SLC25A48: variants seen among roughly 807,000 people sequenced by gnomAD.
SLC25A48 encodes the protein CTC-321K16.1.
SLC25A48 carries 29 observed loss-of-function variants against 32.2 expected under a neutral mutation model. The ratio of observed to expected loss-of-function variants is 0.90; its 90% CI spans 0.67 to 1.23. The LOEUF is 1.23. SLC25A48 is among the 50% of genes most tolerant of loss of function. SLC25A48 has a pLI of 0.00. For synonymous variants in SLC25A48, 164 were observed against 172.3 expected (o/e 0.95, Z 0.38); for missense variants, 399 against 422.7 (o/e 0.94, Z 0.49).
chr5:135,622,590 A>T (rs57330302), intron 1 of SLC25A48, among the ~76,000 whole-genome samples: 5,944 of 152,278 alleles, frequency 0.039, 374 homozygotes, highest in African/African-American at 0.14. Flanking sequence ...ATATAGCATG[A>T]TTCATTTTTT....
chr5:135,619,296 C>A (rs545655100), intron 1 of SLC25A48, among the ~76,000 whole-genome samples: 88 of 152,236 alleles, frequency 5.8e-4, no homozygotes, highest in African/African-American at 1.9e-3. Context: ...GTTATCAAAG[C>A]TTTCAAATGT....
intron 3 of SLC25A48, among the ~76,000 whole-genome samples, chr5:135,661,786 T>C (rs981717156): frequency 6.6e-6 from 1 of 152,196 alleles, no homozygotes; most frequent in Admixed American, 6.5e-5. Context: ...TCCTGGACTT[T>C]TAAATTTTTT....
At chr5:135,798,544 TG>T (rs1404150543) in intron 3 of SLC25A48, among the ~76,000 whole-genome samples, 2 of 151,512 alleles carry the variant, frequency 1.3e-5, no homozygotes, top group Non-Finnish European at 2.9e-5. Flanking sequence ...TCGTGGAGGT[TG>T]TACACCCCCC....
chr5:135,744,927 T>C (rs1755605085), intron 3 of SLC25A48, among the ~76,000 whole-genome samples: 1 of 152,028 alleles, frequency 6.6e-6, no homozygotes, highest in African/African-American at 2.4e-5. Context: ...CTGTAGTCCC[T>C]GCTACTGGGG....
intron 1 of SLC25A48, among the ~76,000 whole-genome samples, chr5:135,840,733 A>G (rs980745407): frequency 2.0e-5 from 3 of 152,240 alleles, no homozygotes; most frequent in African/African-American, 7.2e-5. Flanking sequence ...ATGCTGTAGC[A>G]TGCATCAATA....
chr5:135,765,296 A>G (rs1756181692), intron 3 of SLC25A48, among the ~76,000 whole-genome samples: 1 of 149,650 alleles, frequency 6.7e-6, no homozygotes. Context: ...TTCAGGGGTA[A>G]GAGGGTAATG....
At chr5:135,672,575 A>G (rs997717539) in intron 3 of SLC25A48, among the ~76,000 whole-genome samples, 7 of 152,130 alleles carry the variant, frequency 4.6e-5, no homozygotes, top group Non-Finnish European at 1.0e-4. Context: ...AAGACCAGCC[A>G]TGGCCAAGAT....
intron 3 of SLC25A48, among the ~76,000 whole-genome samples, chr5:135,647,710 T>C (rs1340722814): frequency 6.6e-6 from 1 of 152,140 alleles, no homozygotes; most frequent in Admixed American, 6.5e-5. Flanking sequence ...ACTTTCTGTT[T>C]TCCTGAGGCT....
intron 3 of SLC25A48, among the ~76,000 whole-genome samples, chr5:135,707,080 G>A (rs80284432): frequency 0.014 from 2,065 of 152,282 alleles, 46 homozygotes; most frequent in African/African-American, 0.046. Flanking sequence ...AGCCAGGGCT[G>A]GGGGTGTGGG....
intron 3 of SLC25A48, among the ~76,000 whole-genome samples, chr5:135,681,410 A>G (rs1753894736): frequency 6.6e-6 from 1 of 152,200 alleles, no homozygotes; most frequent in Non-Finnish European, 1.5e-5. Context: ...CTACAAGTTC[A>G]GTTGGGTCTT....
At chr5:135,716,282 T>TG (rs539026239) in intron 3 of SLC25A48, among the ~76,000 whole-genome samples, 16 of 152,316 alleles carry the variant, frequency 1.1e-4, no homozygotes, top group Admixed American at 2.6e-4. Context: ...CTGAGAAAAC[T>TG]GGGAGAGAAC....
intron 1 of SLC25A48, among the ~76,000 whole-genome samples, chr5:135,589,279 G>A (rs1385653676): frequency 6.6e-6 from 1 of 152,196 alleles, no homozygotes; most frequent in African/African-American, 2.4e-5. Context: ...AGTGTCTCTA[G>A]TTTATACTTG....
At chr5:135,741,304 A>G (rs1755496955) in intron 3 of SLC25A48, among the ~76,000 whole-genome samples, 1 of 152,212 alleles carries the variant, frequency 6.6e-6, no homozygotes, top group Non-Finnish European at 1.5e-5. Flanking sequence ...TTTCATGCTC[A>G]TCTGTATACT....
Position 135,844,277 on chromosome 5 carries a change from G to T in SLC25A48, c.90+1818G>T, listed in dbSNP as rs113876278. Reference sequence around the variant, plus strand: ...ATCTGGGACCTCAGCCAAGTTCAAGGTGCCTGCTGCATACCTCTCCAGGGC... The same window carrying T: ...ATCTGGGACCTCAGCCAAGTTCAAGTTGCCTGCTGCATACCTCTCCAGGGC... On this transcript the variant is annotated intron_variant, in intron 2 of 7. Transcript: ENST00000681962. Among the ~76,000 whole-genome samples, 713 of 152,302 alleles carry T rather than the reference G, an allele frequency of 4.7e-3. 3 individuals carry two copies. The highest frequency in any genetic ancestry group is 0.012 in the African/African-American group (516 of 41,572).
intron 3 of SLC25A48, among the ~76,000 whole-genome samples, chr5:135,716,067 T>C (rs1278176705): frequency 6.6e-6 from 1 of 152,236 alleles, no homozygotes; most frequent in Non-Finnish European, 1.5e-5. Context: ...TTGTGGTACC[T>C]GCAGCTTGGA....
At position 135,871,704 on chromosome 5, in the gene SLC25A48, C is replaced by T. The variant is rs746689224; in HGVS notation, c.665C>T (p.Ala222Val). ...CCCAGCCCCTGTGCCGTGTGGCTGG[C>T]GGGCGGCATGGCAGGTAAGGGCAGC... ...TGPSPCAVWL[A>V]GGMAGAISWG... is the part of the protein sequence containing the mutation. The change falls in exon 5 of 8, where the codon GCG becomes GTG. Residue 222 changes from alanine (A) to valine (V), a missense_variant. Ala to Val is a moderately conservative substitution (Grantham distance 64). Transcript: ENST00000681962. 11 of 1,613,324 alleles carry T rather than the reference C, an allele frequency of 6.8e-6. No homozygotes were observed. The highest frequency in any genetic ancestry group is 2.2e-5 in the East Asian group (1 of 44,878).
chr5:135,703,546 A>G (rs1337960298), intron 3 of SLC25A48, among the ~76,000 whole-genome samples: 1 of 152,144 alleles, frequency 6.6e-6, no homozygotes, highest in Non-Finnish European at 1.5e-5. Context: ...TACCACCCAC[A>G]GTTTTCCCCA....
At chr5:135,836,285 T>G (rs1758499201) in intron 1 of SLC25A48, among the ~76,000 whole-genome samples, 1 of 151,718 alleles carries the variant, frequency 6.6e-6, no homozygotes, top group African/African-American at 2.4e-5. Context: ...TTTATTCTGG[T>G]CCTTACTTTG....
In SLC25A48 at chr5:135,735,200, A is replaced by G. The variant is rs144932206; in HGVS notation, c.-520-77323A>G. ...GGCCGCTGCGGTTTAGGTGTTTGGA[A>G]GTTCTTGTGTGCTGGAGATGTAGCT... is the stretch of plus-strand genomic sequence containing the variant. On this transcript the variant is annotated intron_variant, in intron 3 of 10. Coordinates refer to the SLC25A48 transcript ENST00000646290. Among the ~76,000 whole-genome samples, 69 of 152,114 alleles carry G rather than the reference A, an allele frequency of 4.5e-4. 1 individual carries two copies. In the East Asian group the frequency reaches 0.013, roughly 29 times the overall value.
Sources: gnomAD v4.1 joint callset for allele counts (sites outside exome capture counted in the v4.1 genomes callset) on GRCh38, gnomAD v4.1.1 for gene constraint, MANE v1.5 for transcripts, NCBI Gene and HGNC (gene_info 2026-07-23, HGNC 2026-07-21) for gene names.